PBK: variants seen among roughly 807,000 people sequenced by gnomAD.
PBK encodes PDZ binding kinase.
A neutral mutation model predicts 33.5 loss-of-function variants in PBK; 22 were observed. The observed-to-expected ratio is 0.66, with a 90% CI of 0.47 to 0.94. The LOEUF (loss-of-function observed/expected upper bound fraction) is 0.94. Ranked by LOEUF, PBK falls within the 40% of genes least tolerant of loss-of-function variation. The pLI is 0.00. For missense variants in PBK, 376 were observed against 383.4 expected (o/e 0.98, Z 0.16); for synonymous variants, 129 against 123.8 (o/e 1.04, Z -0.28).
At chr8:27,813,954 T>C (rs972042512) in intron 6 of PBK, among the ~76,000 whole-genome samples, 5 of 152,180 alleles carry the variant, frequency 3.3e-5, no homozygotes, top group African/African-American at 1.2e-4. Context: ...CAGGTGTACA[T>C]GTTTATGTGT....
In PBK at chr8:27,828,126, A is replaced by C; in HGVS notation, c.131T>G (p.Val44Gly). ...TTACCTTTTCATTAGGTACACATTT[A>C]CCCCAGTACCAAAGCCAAGCTTCTG... ...FMQKLGFGTGVNVYLMKRSPR... is the reference protein window; with the variant it reads ...FMQKLGFGTGGNVYLMKRSPR... Residue 44 changes from valine to glycine, a missense_variant, in exon 3 of 8, where the codon GTA (valine) becomes GGA (glycine). Physicochemically the swap from Val to Gly is moderately radical, Grantham distance 109 (BLOSUM62 -3). Transcript: ENST00000301905. 1 of 1,554,732 alleles carries C rather than the reference A, an allele frequency of 6.4e-7. No individual in the cohort carries two copies. The highest frequency in any genetic ancestry group is 8.9e-7 in the Non-Finnish European group (1 of 1,127,972).
intron 6 of PBK, chr8:27,812,731 A>G (rs1805717228): frequency 6.6e-6 from 1 of 152,166 alleles, no homozygotes; most frequent in South Asian, 2.1e-4. Context: ...GCTCATCATC[A>G]CTGGTCATCA....
intron 6 of PBK, among the ~76,000 whole-genome samples, chr8:27,817,908 A>G (rs749891598): frequency 6.6e-6 from 1 of 152,196 alleles, no homozygotes; most frequent in African/African-American, 2.4e-5. Context: ...GCATTGTCCA[A>G]TGTGGTAACC....
intron 6 of PBK, among the ~76,000 whole-genome samples, chr8:27,814,069 C>T (rs962449530): frequency 2.6e-5 from 4 of 152,088 alleles, no homozygotes; most frequent in Non-Finnish European, 5.9e-5. Context: ...ATGCTGACCA[C>T]AAAAACAGAC....
Position 27,810,949 on chromosome 8 carries a change from T to C in PBK, c.772+9A>G. On this transcript the variant is annotated intron_variant, in intron 7 of 7. Transcript: ENST00000301905. ...AGATTGGGATTTATGTTAGAAATTG[T>C]ATTCATACCTTCATCATCATCATCA... 1 of 1,485,758 alleles carries C rather than the reference T, an allele frequency of 6.7e-7. No individual in the cohort carries two copies. Among genetic ancestry groups the C allele is most frequent in the Non-Finnish European group, 9.4e-7 (1 of 1,064,756 alleles). The allele number at this position is 1,485,758 out of a possible 1,614,324, so 92.0% of individuals were successfully genotyped here. A position where few individuals can be genotyped will look rare whatever the true frequency, so the allele number is the denominator to read the frequency against.
At position 27,814,254 on chromosome 8, in the gene PBK, T is replaced by A. The variant is rs113104344; in HGVS notation, c.596-3120A>T. Among the ~76,000 whole-genome samples, 1,515 of 152,280 alleles carry A rather than the reference T, an allele frequency of 9.9e-3. 21 individuals carry two copies. Among genetic ancestry groups the A allele is most frequent in the African/African-American group, 0.034 (1,405 of 41,572 alleles). On this transcript the variant is annotated intron_variant, in intron 6 of 7. Coordinates refer to ENST00000301905, the MANE Select transcript of PBK (RefSeq NM_018492.4). ...TGTGGATTTCCTTTTCTTCCTATAT[T>A]AATTTTGGTAAATTGTATTTTTCAA...
chr8:27,835,592 C>T (rs1806212706), intron 1 of PBK, among the ~76,000 whole-genome samples: 1 of 150,410 alleles, frequency 6.6e-6, no homozygotes, highest in Non-Finnish European at 1.5e-5. Flanking sequence ...GCTCTTGTTG[C>T]CCAGGCTGGG....
chr8:27,820,517 A>C, intron 6 of PBK, 48 bp downstream of exon 6: 1 of 1,124,526 alleles, frequency 8.9e-7, no homozygotes, highest in Non-Finnish European at 1.3e-6. Flanking sequence ...TTAAAAATGT[A>C]AACACTGTAT....
chr8:27,820,896 T>C (rs1333312229), intron 5 of PBK, among the ~76,000 whole-genome samples: 2 of 151,612 alleles, frequency 1.3e-5, no homozygotes, highest in African/African-American at 4.9e-5. Context: ...CGATCTCGGC[T>C]CACTGCAACC....
chr8:27,831,534 T>TACGGATATAGAAGACC (rs1806130112), intron 2 of PBK, among the ~76,000 whole-genome samples: 2 of 151,814 alleles, frequency 1.3e-5, no homozygotes, highest in East Asian at 1.9e-4. Context: ...CAGAATATCA[T>TACGGATATAGAAGACC]TGACATTTGT....
chr8:27,812,326 A>G (rs1805704110), intron 6 of PBK: 1 of 152,216 alleles, frequency 6.6e-6, no homozygotes, highest in African/African-American at 2.4e-5. Flanking sequence ...TGTAGTTTTC[A>G]AATTTGATTA....
intron 7 of PBK, 109 bp downstream of exon 7, chr8:27,810,849 G>T (rs944595155): frequency 4.1e-6 from 3 of 737,908 alleles, no homozygotes; most frequent in Non-Finnish European, 6.6e-6. Flanking sequence ...AAACCTTGGT[G>T]GTACCAAATC....
In PBK at chr8:27,823,210, GA is replaced by G; in HGVS notation, c.153-6del. The G allele has an allele frequency of 4.1e-6, 6 of 1,479,644 alleles. No homozygotes were observed. Among genetic ancestry groups the G allele is most frequent in the South Asian group, 1.3e-5 (1 of 78,052 alleles). The allele number at this position is 1,479,644 out of a possible 1,614,324, so 91.7% of individuals were successfully genotyped here. On this transcript the variant is annotated splice_region_variant and splice_polypyrimidine_tract_variant and intron_variant, in intron 3 of 7. Transcript: ENST00000301905. The stretch of plus-strand genomic sequence containing the variant: ...TGAGACAAACCTCTTGGAGATCTAA[GA>G]AAAAAATTCATTTAAAAAGGATAGA...
Position 27,810,959 on chromosome 8 carries a change from T to TTCA in PBK, c.768_770dup (p.Asp256dup), listed in dbSNP as rs763304019. On this transcript the variant is annotated inframe_insertion and splice_region_variant, in exon 7 of 8. Transcript: ENST00000301905. The stretch of plus-strand genomic sequence containing the variant: ...TTATGTTAGAAATTGTATTCATACC[T>TTCA]TCATCATCATCATCATTTGAAAGAT... 87 of 1,547,506 alleles carry TTCA rather than the reference T, an allele frequency of 5.6e-5. No homozygotes were observed. In the Admixed American group the frequency reaches 1.2e-3, roughly 21 times the overall value.
chr8:27,823,149 C>T lies in PBK; in HGVS notation c.209G>A (p.Cys70Tyr). 1 of 1,553,820 alleles carries T rather than the reference C, an allele frequency of 6.4e-7. No homozygotes were observed. The highest frequency in any genetic ancestry group is 8.9e-7 in the Non-Finnish European group (1 of 1,127,666). Residue 70 changes from cysteine (C) to tyrosine (Y), a missense_variant, in exon 4 of 8, where the codon TGT becomes TAT. Physicochemically the swap from Cys to Tyr is radical, Grantham distance 194 (BLOSUM62 -2). Coordinates refer to ENST00000301905, the MANE Select transcript of PBK (RefSeq NM_018492.4). ...PWAVKKINPI[C>Y]NDHYRSVYQK... The stretch of plus-strand genomic sequence containing the variant: ...ATACACACTTCGATAATGATCATTA[C>T]ATATAGGATTAATCTTTTTTACAGC...
intron 3 of PBK, among the ~76,000 whole-genome samples, chr8:27,824,155 T>C (rs1805983912): frequency 6.6e-6 from 1 of 152,144 alleles, no homozygotes; most frequent in African/African-American, 2.4e-5. Context: ...ATCTAAACTA[T>C]TCTTAAACCT....
intron 3 of PBK, among the ~76,000 whole-genome samples, chr8:27,824,406 GA>G (rs1044420126): frequency 7.3e-5 from 11 of 150,368 alleles, no homozygotes; most frequent in African/African-American, 2.7e-4. Context: ...AAGACTAATA[GA>G]AAAAAGGCAA....
At chr8:27,834,028 C>CTT (rs71762494) in intron 1 of PBK, among the ~76,000 whole-genome samples, 4 of 139,056 alleles carry the variant, frequency 2.9e-5, no homozygotes, top group Non-Finnish European at 4.8e-5. Flanking sequence ...TATGATGATC[C>CTT]TTTTTTTTTT....
chr8:27,811,109 A>G lies in PBK; in HGVS notation c.621T>C (p.Ile207=). ...MTVTDPEACY[I]GTEPWKPKEA... ...CTTTGGGTTTCCATGGCTCTGTGCC[A>G]ATGTAACAAGCCTCAGGGTCAGTCA... Residue 207 remains isoleucine, a synonymous_variant, in exon 7 of 8, where the codon ATT becomes ATC. Transcript: ENST00000301905. The G allele has an allele frequency of 6.2e-7, 1 of 1,613,858 alleles. No individual in the cohort carries two copies. Among genetic ancestry groups the G allele is most frequent in the Non-Finnish European group, 8.5e-7 (1 of 1,179,754 alleles).
Sources: gnomAD v4.1 joint callset for allele counts (sites outside exome capture counted in the v4.1 genomes callset) on GRCh38, gnomAD v4.1.1 for gene constraint, MANE v1.5 for transcripts, NCBI Gene and HGNC (gene_info 2026-07-23, HGNC 2026-07-21) for gene names.